SLC12A5: variants seen among roughly 807,000 people sequenced by gnomAD.
SLC12A5 encodes the protein solute carrier family 12 member 5.
A neutral mutation model predicts 124.0 loss-of-function variants in SLC12A5; 18 were observed. The ratio of observed to expected loss-of-function variants is 0.15; its 90% CI spans 0.10 to 0.22. SLC12A5 has a LOEUF of 0.22. SLC12A5 is among the 10% of genes least tolerant of loss of function. The pLI, the probability that SLC12A5 is intolerant of heterozygous loss-of-function variation, is 1.00. For missense variants in SLC12A5, 867 were observed against 1,478.7 expected (o/e 0.59, Z 6.78); for synonymous variants, 589 against 568.0 (o/e 1.04, Z -0.53).
Position 46,043,617 on chromosome 20 carries a change from C to T in SLC12A5, c.1238-16C>T, listed in dbSNP as rs753184256. The T allele has an allele frequency of 1.2e-5, 19 of 1,613,574 alleles. No individual in the cohort carries two copies. The highest frequency in any genetic ancestry group is 2.2e-5 in the East Asian group (1 of 44,892). On this transcript the variant is annotated splice_polypyrimidine_tract_variant and intron_variant, in intron 9 of 25. Coordinates refer to ENST00000243964, the MANE Select transcript of SLC12A5 (RefSeq NM_020708.5). ...GTGGCCCTGGCTTGAGTCCTAGCTGCACTTCTGTTTTGCAGGGATCATGGC... is the reference window on the plus strand; with the variant it reads ...GTGGCCCTGGCTTGAGTCCTAGCTGTACTTCTGTTTTGCAGGGATCATGGC...
At chr20:46,047,096 C>T (rs1307434797) in intron 14 of SLC12A5, among the ~76,000 whole-genome samples, 3 of 152,366 alleles carry the variant, frequency 2.0e-5, no homozygotes, top group East Asian at 3.9e-4. Context: ...CTGGATGCTC[C>T]GGCTTTGCTG....
chr20:46,029,037 G>C (rs60551459), upstream of SLC12A5: 23,026 of 963,910 alleles, frequency 0.024, 481 homozygotes, highest in Admixed American at 0.12. Flanking sequence ...CCACTAGTCG[G>C]GCTCTGCCCG....
chr20:46,056,167 T>A lies in SLC12A5; in HGVS notation c.2805T>A (p.Asp935Glu). ...CTCCCTAGATCCAGAGTATCACAGA[T>A]GAGTCACGAGGCTCAATCCGGAGAA... The part of the protein sequence containing the change: ...EREREIQSIT[D>E]ESRGSIRRKN... The change falls in exon 22 of 26, where the codon GAT (aspartate) becomes GAA (glutamate). Residue 935 changes from aspartate (D) to glutamate (E), a missense_variant. By Grantham distance (45) the Asp-to-Glu change is conservative. Coordinates refer to ENST00000243964, the MANE Select transcript of SLC12A5 (RefSeq NM_020708.5). This position sits in a 1 kb window ranked among gnomAD's most constrained non-coding sequence, Gnocchi z 4.3. 6.2e-7 allele frequency: 1 copy of A among 1,614,100 alleles called. No individual in the cohort carries two copies. Among genetic ancestry groups the A allele is most frequent in the Non-Finnish European group, 8.5e-7 (1 of 1,180,000 alleles).
intron 11 of SLC12A5, 149 bp from the exon 12 acceptor site, chr20:46,044,816 TG>T: frequency 2.4e-6 from 2 of 821,218 alleles, no homozygotes; most frequent in Non-Finnish European, 1.9e-6. Context: ...GAAAAAACAA[TG>T]GAACATTTGG....
chr20:46,035,372 A>G (rs374648198), intron 2 of SLC12A5, 32 bp from the exon 3 acceptor site: 6 of 1,592,180 alleles, frequency 3.8e-6, no homozygotes, highest in Non-Finnish European at 5.1e-6. Flanking sequence ...TTGCTCCCCC[A>G]GCCTCCTAGC....
chr20:46,057,052 G>A lies in SLC12A5; in HGVS notation c.3126-118G>A. The A allele has an allele frequency of 6.3e-7, 1 of 1,585,124 alleles. No homozygotes were observed. Among genetic ancestry groups the A allele is most frequent in the Non-Finnish European group, 8.6e-7 (1 of 1,157,152 alleles). ...TAGCCTGGAGATGTTTAGGATTGGT[G>A]GTCCTAGGCTTGCAAGAACCAGTCC... On this transcript the variant is annotated intron_variant, in intron 24 of 25. Coordinates refer to ENST00000243964, the MANE Select transcript of SLC12A5 (RefSeq NM_020708.5). The surrounding 1 kb of genome is among the most constrained non-coding windows in gnomAD (Gnocchi z 7.1).
chr20:46,052,840 A>G, intron 18 of SLC12A5, 117 bp from the exon 19 acceptor site: 1 of 1,158,962 alleles, frequency 8.6e-7, no homozygotes. Context: ...CCCATGGCCA[A>G]GGCCAGTTGG....
chr20:46,038,806 C>T (rs568327879), intron 6 of SLC12A5, among the ~76,000 whole-genome samples: 45 of 152,282 alleles, frequency 3.0e-4, no homozygotes, highest in Middle Eastern at 3.4e-3. Context: ...GTCCTCTATA[C>T]CACACTGCCT....
rs770443030 is a variant in SLC12A5 at position 46,040,634 on chromosome 20, G to A, written c.854+20G>A. Reference sequence around the variant, plus strand: ...CTTCCCGTGAGTGCTGCTGCTCTGAGCCCAAGGAATCGTCCTCCTACCTCC... The same window carrying A: ...CTTCCCGTGAGTGCTGCTGCTCTGAACCCAAGGAATCGTCCTCCTACCTCC... On this transcript the variant is annotated intron_variant, in intron 7 of 25. Coordinates refer to ENST00000243964, the MANE Select transcript of SLC12A5 (RefSeq NM_020708.5). The A allele has an allele frequency of 6.2e-7, 1 of 1,611,498 alleles. No individual in the cohort carries two copies. The highest frequency in any genetic ancestry group is 1.1e-5 in the South Asian group (1 of 90,964).
At chr20:46,044,697 G>A (rs2084578034) in intron 11 of SLC12A5, 2 of 484,262 alleles carry the variant, frequency 4.1e-6, no homozygotes, top group South Asian at 2.3e-5. Context: ...GGTACCACCA[G>A]GCTTCTGTAA....
chr20:46,040,275 T>C lies in SLC12A5; in HGVS notation c.613-98T>C, dbSNP rs149125598. On this transcript the variant is annotated intron_variant, in intron 6 of 25. Coordinates refer to ENST00000243964, the MANE Select transcript of SLC12A5 (RefSeq NM_020708.5). ...TGTCTTTTCCAGTCTGGTACCACTG[T>C]GACTGTGCTGTGATGAGCATCTTTT... is the stretch of plus-strand genomic sequence containing the variant. 2.8e-4 allele frequency: 429 copies of C among 1,534,328 alleles called. 2 individuals carry two copies. In the African/African-American group the frequency reaches 5.3e-3, roughly 19 times the overall value.
chr20:46,024,121 G>T (rs2084377580), downstream of SLC12A5, among the ~76,000 whole-genome samples: 3 of 150,748 alleles, frequency 2.0e-5, no homozygotes, highest in African/African-American at 7.4e-5. Flanking sequence ...AGCCTGGAAT[G>T]CTGTGTGCTG....
chr20:46,052,268 A>G (rs1177009970), intron 18 of SLC12A5, among the ~76,000 whole-genome samples: 3 of 152,368 alleles, frequency 2.0e-5, no homozygotes, highest in African/African-American at 7.2e-5. Flanking sequence ...AATAGTATAT[A>G]TAATAACTAA....
At chr20:46,039,451 T>C (rs1378427061) in intron 6 of SLC12A5, among the ~76,000 whole-genome samples, 1 of 152,226 alleles carries the variant, frequency 6.6e-6, no homozygotes, top group African/African-American at 2.4e-5. Context: ...TAATGTACCA[T>C]GGATAGCTTT....
At chr20:46,043,365 G>A (rs2084565025) in intron 9 of SLC12A5, 42 bp downstream of exon 9, 2 of 1,597,550 alleles carry the variant, frequency 1.3e-6, no homozygotes, top group Non-Finnish European at 8.6e-7. Flanking sequence ...CCTGTGAGTG[G>A]ATGGGGAAGA....
Position 46,053,250 on chromosome 20 carries a change from T to C in SLC12A5, c.2547+124T>C. 2 of 1,067,384 alleles carry C rather than the reference T, an allele frequency of 1.9e-6. No individual in the cohort carries two copies. Among genetic ancestry groups the C allele is most frequent in the Non-Finnish European group, 2.7e-6 (2 of 751,326 alleles). The allele number at this position is 1,067,384 out of a possible 1,614,324, so 66.1% of individuals were successfully genotyped here. A position where few individuals can be genotyped will look rare whatever the true frequency, so the allele number is the denominator to read the frequency against. On this transcript the variant is annotated intron_variant, in intron 19 of 25. Transcript: ENST00000243964. This position sits in a 1 kb window ranked among gnomAD's most constrained non-coding sequence, Gnocchi z 4.7. The stretch of plus-strand genomic sequence containing the variant: ...TGGCCAGGGTCAGCTTCCGTGTCCT[T>C]CCTCCCCTGTAAACTCCTGGGAAAG...
chr20:46,057,668 G>A lies in SLC12A5; in HGVS notation c.*63G>A. 5 of 1,237,696 alleles carry A rather than the reference G, an allele frequency of 4.0e-6. No homozygotes were observed. The Admixed American group carries it at 1.0e-4, about 25-fold the overall frequency. 76.7% of individuals were successfully genotyped at this position (1,237,696 alleles called of 1,614,324 possible). A position where few individuals can be genotyped will look rare whatever the true frequency, so the allele number is the denominator to read the frequency against. On this transcript the variant is annotated 3_prime_UTR_variant, in exon 26 of 26. Coordinates refer to ENST00000243964, the MANE Select transcript of SLC12A5 (RefSeq NM_020708.5). The surrounding 1 kb of genome is among the most constrained non-coding windows in gnomAD (Gnocchi z 7.1). ...CCCGCGGCTCCGGAGCCCTCGCCGC[G>A]CCCCCCGCCGCTGTCACCGTTTACA...
upstream of SLC12A5, chr20:46,021,726 T>A (rs752445184): frequency 6.5e-7 from 1 of 1,531,712 alleles, no homozygotes; most frequent in Non-Finnish European, 8.7e-7. Flanking sequence ...ACTTGTGCGA[T>A]CCCGGACCTT....
At position 46,045,889 on chromosome 20, in the gene SLC12A5, T is replaced by C. The variant is rs923053406; in HGVS notation, c.1581T>C (p.His527=). ...TGCTCTTTCCCCAGGTCTTTGGCCATGGCAAGGCCAATGGAGAGCCGACCT... is the reference window on the plus strand; with the variant it reads ...TGCTCTTTCCCCAGGTCTTTGGCCACGGCAAGGCCAATGGAGAGCCGACCT... ...GIVPFLQVFG[H]GKANGEPTWA... The change falls in exon 13 of 26, where the codon CAT becomes CAC. Residue 527 remains histidine, a synonymous_variant. Coordinates refer to ENST00000243964, the MANE Select transcript of SLC12A5 (RefSeq NM_020708.5). The surrounding 1 kb of genome is among the most constrained non-coding windows in gnomAD (Gnocchi z 4.9). The C allele has an allele frequency of 6.2e-7, 1 of 1,614,116 alleles. No individual in the cohort carries two copies.
Sources: allele counts gnomAD v4.1 joint callset (sites outside exome capture counted in the v4.1 genomes callset), GRCh38; gene constraint gnomAD v4.1.1; non-coding constraint Gnocchi (gnomAD v3.1); transcripts MANE v1.5; gene names NCBI Gene and HGNC (gene_info 2026-07-23, HGNC 2026-07-21).